Variants in OR8D2 observed in about 807,000 individuals in gnomAD.
The protein encoded by OR8D2 is olfactory receptor 8D2.
For synonymous variants in OR8D2, 156 were observed against 140.3 expected, an observed-to-expected ratio of 1.11 and a Z score of -0.79; for missense variants, 350 against 369.8, an observed-to-expected ratio of 0.95 and a Z score of 0.44.
chr11:124,319,781 C>T lies in OR8D2; in HGVS notation c.417G>A (p.Arg139=). The change falls in exon 1 of 1, where the codon AGG becomes AGA. Residue 139 remains arginine, a synonymous_variant. Coordinates refer to ENST00000624618, the MANE Select transcript of OR8D2 (RefSeq NM_001002918.1). ...CCACAGCCATCATTATGGAACAGAC[C>T]CTGTGGGACATGACAATATTGTAAA... is the stretch of plus-strand genomic sequence containing the variant. ...PLLYNIVMSH[R]VCSIMMAVVY... 6.2e-7 allele frequency: 1 copy of T among 1,613,488 alleles called. No individual in the cohort carries two copies.
rs763644334 is a variant in OR8D2 at position 124,319,942 on chromosome 11, C to T, written c.256G>A (p.Val86Ile). The T allele has an allele frequency of 1.2e-6, 2 of 1,613,278 alleles. No individual in the cohort carries two copies. The highest frequency in any genetic ancestry group is 1.7e-6 in the Non-Finnish European group (2 of 1,179,572). Residue 86 changes from valine to isoleucine, a missense_variant, in exon 1 of 1, where the codon GTT (valine) becomes ATT (isoleucine). Physicochemically the swap from Val to Ile is conservative, Grantham distance 29 (BLOSUM62 3). Coordinates refer to ENST00000624618, the MANE Select transcript of OR8D2 (RefSeq NM_001002918.1). The stretch of plus-strand genomic sequence containing the variant: ...AAGGAGATAATGTTCTCCTCTGGAA[C>T]AAAGTTCACCAGCATCTTAGGGGTA... ...VITPKMLVNF[V>I]PEENIISFLE...
At position 124,319,645 on chromosome 11, in the gene OR8D2, A is replaced by G. The variant is rs368365573; in HGVS notation, c.553T>C (p.Leu185=). The change falls in exon 1 of 1, where the codon TTG becomes CTG. Residue 185 remains leucine, a synonymous_variant. Coordinates refer to ENST00000624618, the MANE Select transcript of OR8D2 (RefSeq NM_001002918.1). The part of the protein sequence containing the change: ...SHYFCDILPL[L]TLSCSSTHIN... ...TGGGTGCTGGAGCAAGACAGAGTCA[A>G]TAAGGGGAGAATATCACAAAAATAA... is the stretch of plus-strand genomic sequence containing the variant. 1 of 1,613,784 alleles carries G rather than the reference A, an allele frequency of 6.2e-7. No individual in the cohort carries two copies. The highest frequency in any genetic ancestry group is 8.5e-7 in the Non-Finnish European group (1 of 1,179,872).
rs1862496847 is a variant in OR8D2 at position 124,319,341 on chromosome 11, T to G, written c.857A>C (p.Asn286Thr). 6.3e-7 allele frequency: 1 copy of G among 1,592,590 alleles called. No homozygotes were observed. Among genetic ancestry groups the G allele is most frequent in the East Asian group, 2.2e-5 (1 of 44,688 alleles). The change falls in exon 1 of 1, where the codon AAT becomes ACT. Residue 286 changes from asparagine to threonine, a missense_variant. By Grantham distance (65) the Asn-to-Thr change is moderately conservative (BLOSUM62 0). Coordinates refer to ENST00000624618, the MANE Select transcript of OR8D2 (RefSeq NM_001002918.1). ...GTTCCTCAGGCTATAGATTAGAGGA[T>G]TCAGCATGGGGATTATTGTGATGTA... ...VFYITIIPML[N>T]PLIYSLRNKD...
In OR8D2 at chr11:124,319,811, T is replaced by C. The variant is rs1198964807; in HGVS notation, c.387A>G (p.Pro129=). 5.0e-6 allele frequency: 8 copies of C among 1,613,608 alleles called. No individual in the cohort carries two copies. Among genetic ancestry groups the C allele is most frequent in the Non-Finnish European group, 5.9e-6 (7 of 1,179,842 alleles). The part of the protein sequence containing the change: ...EYDRYVAICR[P]LLYNIVMSHR... ...GGGACATGACAATATTGTAAAGCAGTGGGCGACAGATAGCAACATAACGGT... is the reference window on the plus strand; with the variant it reads ...GGGACATGACAATATTGTAAAGCAGCGGGCGACAGATAGCAACATAACGGT... The change falls in exon 1 of 1, where the codon CCA becomes CCG. Residue 129 remains proline, a synonymous_variant. Transcript: ENST00000624618.
At position 124,319,350 on chromosome 11, in the gene OR8D2, G is replaced by C; in HGVS notation, c.848C>G (p.Pro283Arg). ...GCTATAGATTAGAGGATTCAGCATG[G>C]GGATTATTGTGATGTAGAACACAGA... ...VSSVFYITIIPMLNPLIYSLR... is the reference protein window; with the variant it reads ...VSSVFYITIIRMLNPLIYSLR... Residue 283 changes from proline to arginine, a missense_variant, in exon 1 of 1, where the codon CCC (proline) becomes CGC (arginine). Pro to Arg is a moderately radical substitution (Grantham distance 103). Transcript: ENST00000624618. The C allele has an allele frequency of 6.3e-7, 1 of 1,598,140 alleles. No homozygotes were observed. The highest frequency in any genetic ancestry group is 2.2e-5 in the East Asian group (1 of 44,736).
At position 124,319,576 on chromosome 11, in the gene OR8D2, AG is replaced by A; in HGVS notation, c.621del (p.Leu208Ter). 2 of 1,613,874 alleles carry A rather than the reference AG, an allele frequency of 1.2e-6. No individual in the cohort carries two copies. The highest frequency in any genetic ancestry group is 2.2e-5 in the South Asian group (2 of 91,078). Reference protein sequence around the residue: ...ILLFIIGGVNTLATTLAVLIS... With the variant: ...ILLFIIGGVNXLATTLAVLIS... Reference sequence around the variant, plus strand: ...ATAAGGACCGCCAGTGTAGTTGCTAAGGTATTAACTCCTCCAATAATGAACA... The same window carrying A: ...ATAAGGACCGCCAGTGTAGTTGCTAAGTATTAACTCCTCCAATAATGAACA... On this transcript the variant is annotated frameshift_variant, in exon 1 of 1. Coordinates refer to ENST00000624618, the MANE Select transcript of OR8D2 (RefSeq NM_001002918.1). LOFTEE classifies it low-confidence loss of function (END_TRUNC).
Position 124,319,280 on chromosome 11 carries a change from C to T in OR8D2, c.918G>A (p.Arg306=). Residue 306 remains arginine (R), a synonymous_variant, in exon 1 of 1, where the codon AGG becomes AGA. Transcript: ENST00000624618. The stretch of plus-strand genomic sequence containing the variant: ...CTCTTTGTCAGGATGACTGCCTTCC[C>T]CTAGTCATCTTCTTCAGTGCATTTT... ...DVKNALKKMT[R]GRQSS The T allele has an allele frequency of 6.7e-7, 1 of 1,501,566 alleles. No homozygotes were observed. The highest frequency in any genetic ancestry group is 1.8e-4 in the Middle Eastern group (1 of 5,566). 93.0% of individuals were successfully genotyped at this position (1,501,566 alleles called of 1,614,324 possible). A position where few individuals can be genotyped will look rare whatever the true frequency, so the allele number is the denominator to read the frequency against.
In OR8D2 at chr11:124,319,441, C is replaced by T; in HGVS notation, c.757G>A (p.Gly253Arg). ...SHLLAVGIFF[G>R]SITFMYFKPP... ...TTGAAATACATGAATGTTATAGACC[C>T]AAAAAAGATGCCCACAGCCAAGAGA... is the stretch of plus-strand genomic sequence containing the variant. Residue 253 changes from glycine (G) to arginine (R), a missense_variant, in exon 1 of 1, where the codon GGG becomes AGG. Coordinates refer to ENST00000624618, the MANE Select transcript of OR8D2 (RefSeq NM_001002918.1). 1 of 1,609,720 alleles carries T rather than the reference C, an allele frequency of 6.2e-7. No individual in the cohort carries two copies. The highest frequency in any genetic ancestry group is 1.1e-5 in the South Asian group (1 of 90,490).
chr11:124,319,429 A>C lies in OR8D2; in HGVS notation c.769T>G (p.Phe257Val), dbSNP rs754376662. Residue 257 changes from phenylalanine (F) to valine (V), a missense_variant, in exon 1 of 1, where the codon TTC becomes GTC. Phe to Val is a conservative substitution (Grantham distance 50). Coordinates refer to ENST00000624618, the MANE Select transcript of OR8D2 (RefSeq NM_001002918.1). ...CTGGAAGGGGGCTTGAAATACATGA[A>C]TGTTATAGACCCAAAAAAGATGCCC... ...AVGIFFGSIT[F>V]MYFKPPSSTT... is the part of the protein sequence containing the mutation. 12 of 1,609,002 alleles carry C rather than the reference A, an allele frequency of 7.5e-6. No individual in the cohort carries two copies. Among genetic ancestry groups the C allele is most frequent in the Middle Eastern group, 1.7e-4 (1 of 6,020 alleles).
At position 124,319,907 on chromosome 11, in the gene OR8D2, G is replaced by A. The variant is rs1862504839; in HGVS notation, c.291C>T (p.Cys97=). The change falls in exon 1 of 1, where the codon TGC becomes TGT. Residue 97 remains cysteine, a synonymous_variant. Transcript: ENST00000624618. ...PEENIISFLE[C]ITQLYFFLIF... is the part of the protein sequence containing the mutation. ...TAAGGAAGAAATAAAGTTGAGTAAT[G>A]CATTCCAGAAAGGAGATAATGTTCT... 1 of 1,613,440 alleles carries A rather than the reference G, an allele frequency of 6.2e-7. No homozygotes were observed. Among genetic ancestry groups the A allele is most frequent in the Non-Finnish European group, 8.5e-7 (1 of 1,179,742 alleles).
Position 124,319,311 on chromosome 11 carries a change from T to C in OR8D2, c.887A>G (p.Asp296Gly). The change falls in exon 1 of 1, where the codon GAT becomes GGT. Residue 296 changes from aspartate to glycine, a missense_variant. Coordinates refer to ENST00000624618, the MANE Select transcript of OR8D2 (RefSeq NM_001002918.1). ...CATCTTCTTCAGTGCATTTTTCACA[T>C]CCTTGTTCCTCAGGCTATAGATTAG... ...NPLIYSLRNK[D>G]VKNALKKMTR... 1 of 1,544,290 alleles carries C rather than the reference T, an allele frequency of 6.5e-7. No individual in the cohort carries two copies. The highest frequency in any genetic ancestry group is 8.7e-7 in the Non-Finnish European group (1 of 1,148,874).
At position 124,319,556 on chromosome 11, in the gene OR8D2, G is replaced by A. The variant is rs267602758; in HGVS notation, c.642C>T (p.Val214=). 1 of 1,613,766 alleles carries A rather than the reference G, an allele frequency of 6.2e-7. No homozygotes were observed. Among genetic ancestry groups the A allele is most frequent in the South Asian group, 1.1e-5 (1 of 91,060 alleles). ...GVNTLATTLA[V]LISYAFIFSS... is the part of the protein sequence containing the mutation. ...AGAAAATGAAAGCATAAGAGATAAG[G>A]ACCGCCAGTGTAGTTGCTAAGGTAT... The change falls in exon 1 of 1, where the codon GTC becomes GTT. Residue 214 remains valine (V), a synonymous_variant. Transcript: ENST00000624618.
In OR8D2 at chr11:124,319,466, A is replaced by T. The variant is rs140282680; in HGVS notation, c.732T>A (p.His244Gln). The change falls in exon 1 of 1, where the codon CAT (histidine) becomes CAA (glutamine). Residue 244 changes from histidine (H) to glutamine (Q), a missense_variant. By Grantham distance (24) the His-to-Gln change is conservative. Coordinates refer to ENST00000624618, the MANE Select transcript of OR8D2 (RefSeq NM_001002918.1). ...CAAAAAAGATGCCCACAGCCAAGAG[A>T]TGGGAGCTACAAGTGCCAAAGGCTT... ...QSKAFGTCSS[H>Q]LLAVGIFFGS... 65 of 1,612,860 alleles carry T rather than the reference A, an allele frequency of 4.0e-5. No homozygotes were observed. In the African/African-American group the frequency reaches 7.8e-4, roughly 19 times the overall value.
In OR8D2 at chr11:124,319,331, G is replaced by A. The variant is rs1355650491; in HGVS notation, c.867C>T (p.Ile289=). 6 of 1,583,392 alleles carry A rather than the reference G, an allele frequency of 3.8e-6. No individual in the cohort carries two copies. Among genetic ancestry groups the A allele is most frequent in the Non-Finnish European group, 5.1e-6 (6 of 1,167,986 alleles). ...ITIIPMLNPL[I]YSLRNKDVKN... Reference sequence around the variant, plus strand: ...TCACATCCTTGTTCCTCAGGCTATAGATTAGAGGATTCAGCATGGGGATTA... The same window carrying A: ...TCACATCCTTGTTCCTCAGGCTATAAATTAGAGGATTCAGCATGGGGATTA... The change falls in exon 1 of 1, where the codon ATC becomes ATT. Residue 289 remains isoleucine, a synonymous_variant. Transcript: ENST00000624618.
chr11:124,319,522 G>C lies in OR8D2; in HGVS notation c.676C>G (p.Leu226Val). Residue 226 changes from leucine to valine, a missense_variant, in exon 1 of 1, where the codon CTT (leucine) becomes GTT (valine). Coordinates refer to ENST00000624618, the MANE Select transcript of OR8D2 (RefSeq NM_001002918.1). ...TGCCCCTCAGTGGAATGAATACCAA[G>C]GATACTAGAGAAAATGAAAGCATAA... ...ISYAFIFSSI[L>V]GIHSTEGQSK... is the part of the protein sequence containing the mutation. 6.2e-7 allele frequency: 1 copy of C among 1,613,810 alleles called. No homozygotes were observed. The highest frequency in any genetic ancestry group is 8.5e-7 in the Non-Finnish European group (1 of 1,179,884).
chr11:124,320,047 G>A lies in OR8D2; in HGVS notation c.151C>T (p.Leu51Phe), dbSNP rs758245123. Residue 51 changes from leucine to phenylalanine, a missense_variant, in exon 1 of 1, where the codon CTC (leucine) becomes TTC (phenylalanine). By Grantham distance (22) the Leu-to-Phe change is conservative. Coordinates refer to ENST00000624618, the MANE Select transcript of OR8D2 (RefSeq NM_001002918.1). ...GNLGMIFLIALSSQLYPPVYY... is the reference protein window; with the variant it reads ...GNLGMIFLIAFSSQLYPPVYY... ...ACTGGAGGGTAAAGTTGAGAACTGA[G>A]AGCAATTAAGAAGATCATGCCCAGG... 6 of 1,613,726 alleles carry A rather than the reference G, an allele frequency of 3.7e-6. No homozygotes were observed. The highest frequency in any genetic ancestry group is 4.2e-6 in the Non-Finnish European group (5 of 1,179,876).
chr11:124,319,344 A>T lies in OR8D2; in HGVS notation c.854T>A (p.Leu285Gln). The T allele has an allele frequency of 6.3e-7, 1 of 1,594,676 alleles. No individual in the cohort carries two copies. Residue 285 changes from leucine (L) to glutamine (Q), a missense_variant, in exon 1 of 1, where the codon CTG becomes CAG. Transcript: ENST00000624618. ...CCTCAGGCTATAGATTAGAGGATTC[A>T]GCATGGGGATTATTGTGATGTAGAA... The part of the protein sequence containing the change: ...SVFYITIIPM[L>Q]NPLIYSLRNK...
rs571210647 is a variant in OR8D2, at chr11:124,320,095, A to G, written c.103T>C (p.Tyr35His). 1.4e-5 allele frequency: 23 copies of G among 1,613,780 alleles called. No individual in the cohort carries two copies. In the South Asian group the frequency reaches 2.4e-4, roughly 17 times the overall value. The change falls in exon 1 of 1, where the codon TAT (tyrosine) becomes CAT (histidine). Residue 35 changes from tyrosine to histidine, a missense_variant. Transcript: ENST00000624618. ...LPLFLLFLGI[Y>H]VVTVVGNLGM... ...AGGTTCCCCACCACTGTGACCACAT[A>G]TATTCCAAGGAACAGGAGGAAGAGT...
In OR8D2 at chr11:124,319,899, T is replaced by A. The variant is rs1404048301; in HGVS notation, c.299A>T (p.Gln100Leu). Residue 100 changes from glutamine to leucine, a missense_variant, in exon 1 of 1, where the codon CAA (glutamine) becomes CTA (leucine). Coordinates refer to ENST00000624618, the MANE Select transcript of OR8D2 (RefSeq NM_001002918.1). ...TACAAAAATAAGGAAGAAATAAAGTTGAGTAATGCATTCCAGAAAGGAGAT... is the reference window on the plus strand; with the variant it reads ...TACAAAAATAAGGAAGAAATAAAGTAGAGTAATGCATTCCAGAAAGGAGAT... ...NIISFLECITQLYFFLIFVIA... is the reference protein window; with the variant it reads ...NIISFLECITLLYFFLIFVIA... The A allele has an allele frequency of 6.2e-7, 1 of 1,613,376 alleles. No individual in the cohort carries two copies. The highest frequency in any genetic ancestry group is 1.3e-5 in the African/African-American group (1 of 74,862).
Sources: gnomAD v4.1 joint callset for allele counts on GRCh38, gnomAD v4.1.1 for gene constraint, MANE v1.5 for transcripts, NCBI Gene and HGNC (gene_info 2026-07-23, HGNC 2026-07-21) for gene names.